The following STX7 variants were observed in gnomAD, a reference collection of about 807,000 sequenced individuals.
STX7 encodes the protein syntaxin-7.
Under a neutral mutation model 39.6 loss-of-function variants are expected in STX7, and 34 were observed. The ratio of observed to expected loss-of-function variants is 0.86; its 90% CI spans 0.65 to 1.14. The LOEUF (loss-of-function observed/expected upper bound fraction) is 1.14, where lower values mean the gene tolerates loss of function less well. STX7 is among the 50% of genes most tolerant of loss of function. The pLI is 0.00. For missense variants in STX7, 284 were observed against 310.4 expected, an observed-to-expected ratio of 0.92 and a Z score of 0.64; for synonymous variants, 119 against 99.1, an observed-to-expected ratio of 1.20 and a Z score of -1.19.
chr6:132,469,388 G>C (rs1774650277), intron 7 of STX7, among the ~76,000 whole-genome samples: 1 of 152,166 alleles, frequency 6.6e-6, no homozygotes, highest in Non-Finnish European at 1.5e-5. Context: ...GTGGTCCATA[G>C]ATGGCTTGAT....
chr6:132,483,647 T>C (rs1050143063), intron 2 of STX7, among the ~76,000 whole-genome samples: 1 of 152,188 alleles, frequency 6.6e-6, no homozygotes, highest in African/African-American at 2.4e-5. Context: ...GCAAAAATAT[T>C]GTTAGCACTC....
intron 8 of STX7, 131 bp downstream of exon 8, chr6:132,468,272 T>G (rs113422933): frequency 2.9e-6 from 2 of 701,060 alleles, no homozygotes; most frequent in African/African-American, 3.6e-5. Flanking sequence ...CTGTGTTTTA[T>G]AGACCATGCT....
Position 132,448,105 on chromosome 6 carries a change from C to T in STX7, c.*12653G>A, listed in dbSNP as rs943284224. ...AGTCATTCATTATCTTAACTTCCAT[C>T]CTAAAGAGTATCAGGATCTTGGAGC... is the stretch of plus-strand genomic sequence containing the variant. On this transcript the variant is annotated 3_prime_UTR_variant, in exon 10 of 10. Coordinates refer to ENST00000367941, the MANE Select transcript of STX7 (RefSeq NM_003569.3). The T allele has an allele frequency of 1.3e-5, 2 of 152,140 alleles. No homozygotes were observed. The highest frequency in any genetic ancestry group is 2.9e-5 in the Non-Finnish European group (2 of 68,022). The allele number at this position is 152,140 out of a possible 1,614,324, so 9.4% of individuals were successfully genotyped here.
At chr6:132,472,397 T>G (rs1430527174) in intron 3 of STX7, 22 bp from the exon 4 acceptor site, 2 of 1,578,752 alleles carry the variant, frequency 1.3e-6, no homozygotes, top group Non-Finnish European at 1.7e-6. Flanking sequence ...AAACACGCAT[T>G]ACAGCCAAAG....
chr6:132,502,628 G>A (rs963361378), intron 2 of STX7, among the ~76,000 whole-genome samples: 3 of 149,652 alleles, frequency 2.0e-5, no homozygotes, highest in Non-Finnish European at 3.0e-5. Context: ...GGCCGGGCGC[G>A]GTGGCTCACG....
intron 3 of STX7, among the ~76,000 whole-genome samples, chr6:132,475,045 C>T (rs533539911): frequency 6.6e-6 from 1 of 151,946 alleles, no homozygotes; most frequent in South Asian, 2.1e-4. Context: ...TTTTCAACAG[C>T]TGTCAAAAAC....
intron 2 of STX7, among the ~76,000 whole-genome samples, chr6:132,478,868 C>T (rs984853632): frequency 6.6e-6 from 1 of 152,198 alleles, no homozygotes. Flanking sequence ...CCTTCACAGG[C>T]TTATCTCACG....
In STX7 at chr6:132,453,241, C is replaced by T. The variant is rs1774170522; in HGVS notation, c.*7517G>A. The T allele has an allele frequency of 6.6e-6, 1 of 151,900 alleles. No individual in the cohort carries two copies. Among genetic ancestry groups the T allele is most frequent in the South Asian group, 2.1e-4 (1 of 4,820 alleles). The allele number at this position is 151,900 out of a possible 1,614,324, so 9.4% of individuals were successfully genotyped here. A position where few individuals can be genotyped will look rare whatever the true frequency, so the allele number is the denominator to read the frequency against. On this transcript the variant is annotated 3_prime_UTR_variant, in exon 10 of 10. Coordinates refer to ENST00000367941, the MANE Select transcript of STX7 (RefSeq NM_003569.3). ...CCAGACCTAAGTCTCACATTTTATACAAAATTAACTGAAAATGGAATATAG... is the reference window on the plus strand; with the variant it reads ...CCAGACCTAAGTCTCACATTTTATATAAAATTAACTGAAAATGGAATATAG...
rs77077298 is a variant in STX7 at position 132,498,802 on chromosome 6, C to G, written c.85+4644G>C. On this transcript the variant is annotated intron_variant, in intron 2 of 9. Coordinates refer to ENST00000367941, the MANE Select transcript of STX7 (RefSeq NM_003569.3). ...TTTCTGCATAGCCCTTATCAGTACA[C>G]ATACTTGACAGTAGTTAGATTTTTA... Among the ~76,000 whole-genome samples, 785 of 152,284 alleles carry G rather than the reference C, an allele frequency of 5.2e-3. 11 individuals carry two copies. The highest frequency in any genetic ancestry group is 0.018 in the African/African-American group (742 of 41,542).
At chr6:132,466,564 G>C (rs1190664416) in intron 8 of STX7, among the ~76,000 whole-genome samples, 1 of 152,006 alleles carries the variant, frequency 6.6e-6, no homozygotes, top group Non-Finnish European at 1.5e-5. Context: ...GAGGATCCAG[G>C]GCTAAGTCCT....
chr6:132,469,575 C>A (rs757229022), intron 7 of STX7, among the ~76,000 whole-genome samples: 5 of 152,130 alleles, frequency 3.3e-5, no homozygotes, highest in Admixed American at 6.6e-5. Context: ...TGGTGGCTCA[C>A]ATCTATAATC....
At chr6:132,467,450 T>C (rs935834405) in intron 8 of STX7, among the ~76,000 whole-genome samples, 6 of 152,168 alleles carry the variant, frequency 3.9e-5, no homozygotes, top group African/African-American at 1.4e-4. Context: ...ATTTTCTCCA[T>C]AGCACTTATC....
chr6:132,486,363 C>G (rs1775131693), intron 2 of STX7, among the ~76,000 whole-genome samples: 1 of 152,098 alleles, frequency 6.6e-6, no homozygotes. Context: ...GATCTTTTGT[C>G]AGGTTAAAGA....
At position 132,447,905 on chromosome 6, in the gene STX7, T is replaced by A. The variant is rs1489251523; in HGVS notation, c.*12853A>T. 1 of 152,194 alleles carries A rather than the reference T, an allele frequency of 6.6e-6. No individual in the cohort carries two copies. Among genetic ancestry groups the A allele is most frequent in the Non-Finnish European group, 1.5e-5 (1 of 68,038 alleles). The allele number at this position is 152,194 out of a possible 1,614,324, so 9.4% of individuals were successfully genotyped here. On this transcript the variant is annotated 3_prime_UTR_variant, in exon 10 of 10. Coordinates refer to ENST00000367941, the MANE Select transcript of STX7 (RefSeq NM_003569.3). ...TACTATGCCATTTCTTTGCTTTTTC[T>A]ATGCTTTTTCTTCCTTCTTGCATTT...
At chr6:132,462,368 C>A (rs1002336920) in intron 9 of STX7, among the ~76,000 whole-genome samples, 1 of 152,214 alleles carries the variant, frequency 6.6e-6, no homozygotes, top group Admixed American at 6.5e-5. Flanking sequence ...CTAGGGGCAG[C>A]TTCCAGTCCT....
In STX7 at chr6:132,447,941, TC is replaced by T. The variant is rs1165209765; in HGVS notation, c.*12816del. On this transcript the variant is annotated 3_prime_UTR_variant, in exon 10 of 10. Transcript: ENST00000367941. Reference sequence around the variant, plus strand: ...TTCCTTCTTGCATTTTTGTGGTCTATCAAAGTTGGGATTTCTAAAGTGTTTT... The same window carrying T: ...TTCCTTCTTGCATTTTTGTGGTCTATAAAGTTGGGATTTCTAAAGTGTTTT... 6 of 152,196 alleles carry T rather than the reference TC, an allele frequency of 3.9e-5. 1 individual carries two copies. Among genetic ancestry groups the T allele is most frequent in the Non-Finnish European group, 7.3e-5 (5 of 68,034 alleles). The allele number at this position is 152,196 out of a possible 1,614,324, so 9.4% of individuals were successfully genotyped here.
At chr6:132,493,340 T>C (rs1775342432) in intron 2 of STX7, among the ~76,000 whole-genome samples, 1 of 152,180 alleles carries the variant, frequency 6.6e-6, no homozygotes, top group East Asian at 1.9e-4. Context: ...CTGTTTGATA[T>C]GGTTTGGCTG....
chr6:132,482,858 C>A (rs1469825978), intron 2 of STX7, among the ~76,000 whole-genome samples: 27 of 152,056 alleles, frequency 1.8e-4, no homozygotes, highest in Non-Finnish European at 1.3e-4. Flanking sequence ...TTATATACTA[C>A]TAGCATTAGC....
In STX7 at chr6:132,447,641, A is replaced by G. The variant is rs1680085373; in HGVS notation, c.*13117T>C. 1 of 151,898 alleles carries G rather than the reference A, an allele frequency of 6.6e-6. No homozygotes were observed. Among genetic ancestry groups the G allele is most frequent in the African/African-American group, 2.4e-5 (1 of 41,384 alleles). 9.4% of individuals were successfully genotyped at this position (151,898 alleles called of 1,614,324 possible). On this transcript the variant is annotated 3_prime_UTR_variant, in exon 10 of 10. Transcript: ENST00000367941. ...ACCTACTTCAGTTGAAATTTTTATT[A>G]TTTTTGAGAGTCTCCTTATCCTTAT...
Sources: allele counts gnomAD v4.1 joint callset (sites outside exome capture counted in the v4.1 genomes callset), GRCh38; gene constraint gnomAD v4.1.1; transcripts MANE v1.5; gene names NCBI Gene and HGNC (gene_info 2026-07-23, HGNC 2026-07-21).